Variants in FRMPD2 observed in about 807,000 individuals in gnomAD.
FRMPD2 encodes the protein FERM and PDZ domain-containing protein 2.
FRMPD2 carries 96 observed loss-of-function variants against 140.1 expected under a neutral mutation model. That is an observed-to-expected ratio of 0.69 (90% CI 0.58 to 0.81). The LOEUF is 0.81. Among genes scored for constraint, FRMPD2 ranks in the 40% least tolerant of loss-of-function variants. The pLI is 0.00. For synonymous variants in FRMPD2, 449 were observed against 547.6 expected (o/e 0.82, Z 2.52); for missense variants, 1,240 against 1,447.4 (o/e 0.86, Z 2.32).
chr10:48,236,449 C>T (rs755870277), intron 9 of FRMPD2, 33 bp downstream of exon 9: 3 of 1,604,592 alleles, frequency 1.9e-6, no homozygotes, highest in Non-Finnish European at 2.6e-6. Context: ...CCTCGCCACC[C>T]TCCATCCCTG....
chr10:48,206,278 A>G (rs1009358979), intron 14 of FRMPD2, among the ~76,000 whole-genome samples: 1 of 152,220 alleles, frequency 6.6e-6, no homozygotes, highest in African/African-American at 2.4e-5. Flanking sequence ...GCACACCTGT[A>G]GTCCTCAGAG....
chr10:48,248,965 A>T, intron 3 of FRMPD2, 56 bp downstream of exon 3: 1 of 1,494,466 alleles, frequency 6.7e-7, no homozygotes, highest in Non-Finnish European at 9.0e-7. Context: ...TGCCGCTGGG[A>T]CAGGCCTTTC....
chr10:48,242,615 T>C (rs72792247), intron 4 of FRMPD2, among the ~76,000 whole-genome samples: 14,043 of 152,336 alleles, frequency 0.092, 790 homozygotes, highest in South Asian at 0.13. Flanking sequence ...AGCACATGCT[T>C]GGAATGCTCA....
At chr10:48,238,911 G>A (rs1840031744) in intron 7 of FRMPD2, among the ~76,000 whole-genome samples, 1 of 152,178 alleles carries the variant, frequency 6.6e-6, no homozygotes, top group Non-Finnish European at 1.5e-5. Context: ...GCCTGATATG[G>A]CCAACAGAAT....
At chr10:48,226,603 T>A (rs946923358) in intron 10 of FRMPD2, among the ~76,000 whole-genome samples, 1 of 152,234 alleles carries the variant, frequency 6.6e-6, no homozygotes, top group Non-Finnish European at 1.5e-5. Context: ...GAAATTCCCA[T>A]GTGATAGTCA....
chr10:48,235,499 T>C (rs1839947058), intron 9 of FRMPD2, among the ~76,000 whole-genome samples: 1 of 152,078 alleles, frequency 6.6e-6, no homozygotes, highest in Non-Finnish European at 1.5e-5. Context: ...TGGGATTCAA[T>C]GGGATTTTGC....
chr10:48,201,405 C>T, intron 14 of FRMPD2, 21 bp from the exon 15 acceptor site: 2 of 1,610,556 alleles, frequency 1.2e-6, no homozygotes, highest in South Asian at 1.1e-5. Flanking sequence ...CAAACACAGA[C>T]TTTAATACAC....
intron 4 of FRMPD2, 102 bp downstream of exon 4, chr10:48,244,682 G>T: frequency 1.2e-6 from 1 of 843,072 alleles, no homozygotes; most frequent in Non-Finnish European, 2.0e-6. Context: ...CGGGAGAGTG[G>T]CATTATGTGT....
At chr10:48,232,088 G>T in intron 10 of FRMPD2, 27 bp downstream of exon 10, 1 of 1,612,660 alleles carries the variant, frequency 6.2e-7, no homozygotes, top group Non-Finnish European at 8.5e-7. Context: ...CACCAGGCCA[G>T]CTGTGAGCTG....
At chr10:48,229,084 A>G (rs1839792703) in intron 10 of FRMPD2, among the ~76,000 whole-genome samples, 1 of 152,108 alleles carries the variant, frequency 6.6e-6, no homozygotes, top group East Asian at 1.9e-4. Context: ...AATAAAATAC[A>G]GTTATATTGC....
chr10:48,265,250 C>T (rs1180395975), intron 1 of FRMPD2, among the ~76,000 whole-genome samples: 1 of 152,140 alleles, frequency 6.6e-6, no homozygotes, highest in South Asian at 2.1e-4. Context: ...AGACCCAGAA[C>T]TATAAAAACT....
At chr10:48,163,823 A>C in intron 27 of FRMPD2, 152 bp from the exon 28 acceptor site, 1 of 703,462 alleles carries the variant, frequency 1.4e-6, no homozygotes, top group Non-Finnish European at 2.5e-6. Context: ...CAGCTCCTCC[A>C]CATGCTCCCG....
chr10:48,222,092 A>C (rs1335906129), intron 12 of FRMPD2, among the ~76,000 whole-genome samples: 1 of 145,462 alleles, frequency 6.9e-6, no homozygotes, highest in Non-Finnish European at 1.5e-5. Context: ...ACAGGTGAAT[A>C]GGTAGATGAG....
chr10:48,174,182 T>G (rs1459178240), intron 24 of FRMPD2, among the ~76,000 whole-genome samples: 1 of 152,032 alleles, frequency 6.6e-6, no homozygotes, highest in Non-Finnish European at 1.5e-5. Flanking sequence ...CAGGAATCCC[T>G]CCTGTCTCTG....
intron 10 of FRMPD2, among the ~76,000 whole-genome samples, chr10:48,226,058 A>C (rs890733105): frequency 6.6e-6 from 1 of 152,218 alleles, no homozygotes; most frequent in Admixed American, 6.5e-5. Flanking sequence ...AATTCACCCC[A>C]TGAATTTTTA....
chr10:48,242,491 GAGTTTAA>G, intron 4 of FRMPD2, 139 bp from the exon 5 acceptor site: 3 of 663,080 alleles, frequency 4.5e-6, no homozygotes, highest in Non-Finnish European at 7.5e-6. Context: ...CCCTTCTGGA[GAGTTTAA>G]GGACAGACAC....
intron 3 of FRMPD2, chr10:48,248,484 A>G (rs2131962160): frequency 6.6e-6 from 1 of 152,320 alleles, no homozygotes; most frequent in South Asian, 2.1e-4. Flanking sequence ...ATTTCTTTTC[A>G]ATACATTAAA....
At chr10:48,178,507 C>T (rs556531198) in intron 21 of FRMPD2, among the ~76,000 whole-genome samples, 9 of 152,262 alleles carry the variant, frequency 5.9e-5, no homozygotes, top group South Asian at 2.1e-4. Flanking sequence ...TCTAACGACA[C>T]GCAGGAAAAT....
At chr10:48,217,876 T>G (rs775407359) in intron 12 of FRMPD2, among the ~76,000 whole-genome samples, 11 of 152,226 alleles carry the variant, frequency 7.2e-5, no homozygotes, top group Non-Finnish European at 1.5e-4. Flanking sequence ...TGCGAAGGTG[T>G]CCACACCCAG....
Sources: gnomAD v4.1 joint callset for allele counts (sites outside exome capture counted in the v4.1 genomes callset) on GRCh38, gnomAD v4.1.1 for gene constraint, MANE v1.5 for transcripts, NCBI Gene and HGNC (gene_info 2026-07-23, HGNC 2026-07-21) for gene names.